The following PCDHGA1 variants were observed in gnomAD, a reference collection of about 807,000 sequenced individuals.
PCDHGA1 encodes protocadherin gamma-A1.
PCDHGA1 carries 32 observed loss-of-function variants against 58.0 expected under a neutral mutation model. That is an observed-to-expected ratio of 0.55 (90% CI 0.42 to 0.74). The LOEUF is 0.74. Among genes scored for constraint, PCDHGA1 ranks in the 30% least tolerant of loss-of-function variants. The probability of loss-of-function intolerance (pLI) is 0.00; values close to 1 mark genes in which losing one functional copy is unlikely to be tolerated. For missense variants in PCDHGA1, 1,205 were observed against 1,182.3 expected (o/e 1.02, Z -0.28); for synonymous variants, 498 against 501.1 (o/e 0.99, Z 0.08).
chr5:141,360,653 A>T, intron 1 of PCDHGA1: 1 of 1,614,020 alleles, frequency 6.2e-7, no homozygotes, highest in Non-Finnish European at 8.5e-7. Flanking sequence ...TACCACCTTA[A>T]TGACAACGAG....
chr5:141,372,118 T>C (rs937548053), intron 1 of PCDHGA1: 3 of 1,613,628 alleles, frequency 1.9e-6, no homozygotes, highest in Non-Finnish European at 2.5e-6. Context: ...TCTGCGCTCT[T>C]CGATATGGTG....
At chr5:141,373,509 C>G (rs1444734450) in intron 1 of PCDHGA1, among the ~76,000 whole-genome samples, 1 of 152,152 alleles carries the variant, frequency 6.6e-6, no homozygotes, top group East Asian at 1.9e-4. Flanking sequence ...GGAGACAGAG[C>G]GAGACTTTGT....
At chr5:141,368,352 CAT>C (rs965270733) in intron 1 of PCDHGA1, among the ~76,000 whole-genome samples, 1 of 152,006 alleles carries the variant, frequency 6.6e-6, no homozygotes, top group East Asian at 1.9e-4. Context: ...TATACACACA[CAT>C]ATATATACAC....
chr5:141,478,073 G>A (rs756198123), intron 1 of PCDHGA1: 1 of 1,614,098 alleles, frequency 6.2e-7, no homozygotes, highest in Admixed American at 1.7e-5. Context: ...AGACAATGGG[G>A]AGCCTTCGCT....
intron 1 of PCDHGA1, chr5:141,404,823 G>A (rs1283913930): frequency 6.2e-7 from 1 of 1,610,946 alleles, no homozygotes. Flanking sequence ...CTGCACACAG[G>A]TGAAGTGCGC....
At chr5:141,376,299 A>T (rs1314928354) in intron 1 of PCDHGA1, 2 of 1,614,164 alleles carry the variant, frequency 1.2e-6, no homozygotes, top group Non-Finnish European at 1.7e-6. Flanking sequence ...CCCGGCTCGC[A>T]CTTTGTGGGC....
rs545544226 is a variant in PCDHGA1, at chr5:141,376,066, C to T, written c.2421+42961C>T. 2.3e-5 allele frequency: 37 copies of T among 1,613,396 alleles called. 2 individuals are homozygous for T. The South Asian group carries it at 3.6e-4, about 16-fold the overall frequency. ...CTCTCTCCGCCACTGTCACGCTCACCGTGGCCGTGGCCGACAGGATCCCCG... is the reference window on the plus strand; with the variant it reads ...CTCTCTCCGCCACTGTCACGCTCACTGTGGCCGTGGCCGACAGGATCCCCG... On this transcript the variant is annotated intron_variant, in intron 1 of 3. Transcript: ENST00000517417.
At chr5:141,440,779 GC>G (rs2154559027) in intron 1 of PCDHGA1, 1 of 152,294 alleles carries the variant, frequency 6.6e-6, no homozygotes, top group Admixed American at 6.5e-5. Flanking sequence ...AGTGCTAGCA[GC>G]CTTAGACGGC....
rs922668811 is a variant in PCDHGA1 at position 141,432,984 on chromosome 5, G to A, written c.2422-61823G>A. On this transcript the variant is annotated intron_variant, in intron 1 of 3. Transcript: ENST00000517417. This position sits in a 1 kb window ranked among gnomAD's most constrained non-coding sequence, Gnocchi z 6.0. ...GGAGCGCCGGCGTCGCACTTTGTGG[G>A]CGTGGACGGGGTGCAGGCTTTCCTG... 1.9e-6 allele frequency: 3 copies of A among 1,614,214 alleles called. No individual in the cohort carries two copies. Among genetic ancestry groups the A allele is most frequent in the Admixed American group, 1.7e-5 (1 of 60,028 alleles).
At chr5:141,388,686 G>A (rs1196254559) in intron 1 of PCDHGA1, 5 of 1,613,980 alleles carry the variant, frequency 3.1e-6, no homozygotes, top group Non-Finnish European at 4.2e-6. Context: ...GACTGCCACG[G>A]ACCAGGATGA....
chr5:141,433,437 T>C (rs1422634356), intron 1 of PCDHGA1, among the ~76,000 whole-genome samples: 2 of 152,076 alleles, frequency 1.3e-5, no homozygotes, highest in Admixed American at 1.3e-4. Flanking sequence ...AGTCTCACTA[T>C]GTTGAGCAGG....
chr5:141,351,339 C>T (rs1309136506), intron 1 of PCDHGA1: 1 of 1,613,532 alleles, frequency 6.2e-7, no homozygotes, highest in Non-Finnish European at 8.5e-7. Flanking sequence ...GACCTTGGAA[C>T]TGTAATAGCC....
intron 1 of PCDHGA1, among the ~76,000 whole-genome samples, chr5:141,488,510 G>A (rs910546464): frequency 1.3e-5 from 2 of 152,152 alleles, no homozygotes; most frequent in Non-Finnish European, 2.9e-5. Context: ...TCCACATTTG[G>A]GGTCTGGGGT....
intron 1 of PCDHGA1, among the ~76,000 whole-genome samples, chr5:141,449,586 C>T (rs2098645911): frequency 1.6e-5 from 2 of 125,482 alleles, no homozygotes; most frequent in East Asian, 2.3e-4. Context: ...AAGACTCTGT[C>T]TCAAAAAAAA....
At chr5:141,393,820 C>T (rs2092851099) in intron 1 of PCDHGA1, 1 of 1,613,918 alleles carries the variant, frequency 6.2e-7, no homozygotes, top group Non-Finnish European at 8.5e-7. Context: ...TTGCTCATTT[C>T]GGTGGAAGAT....
At chr5:141,371,101 A>T (rs766194298) in intron 1 of PCDHGA1, 2 of 1,613,794 alleles carry the variant, frequency 1.2e-6, no homozygotes, top group South Asian at 1.1e-5. Context: ...GCAGATGCAA[A>T]TGATAACCCC....
Position 141,366,291 on chromosome 5 carries a change from T to C in PCDHGA1, c.2421+33186T>C, listed in dbSNP as rs768290200. 15 of 1,613,746 alleles carry C rather than the reference T, an allele frequency of 9.3e-6. No individual in the cohort carries two copies. The South Asian group carries it at 1.5e-4, about 17-fold the overall frequency. ...GTCGAAGACCATGGCCAGCCCCCTC[T>C]GTCAGCCACCTTCACGGTCACCGTT... On this transcript the variant is annotated intron_variant, in intron 1 of 3. Transcript: ENST00000517417.
intron 1 of PCDHGA1, chr5:141,388,934 A>G (rs1225337103): frequency 1.9e-6 from 3 of 1,613,896 alleles, no homozygotes; most frequent in Non-Finnish European, 2.5e-6. Context: ...TCCAGTCTCT[A>G]CCCAACCTAA....
chr5:141,392,916 G>A, intron 1 of PCDHGA1: 1 of 1,613,936 alleles, frequency 6.2e-7, no homozygotes, highest in Non-Finnish European at 8.5e-7. Context: ...TCGCTACTCT[G>A]TGCCAGAAGA....
Sources: allele counts gnomAD v4.1 joint callset (sites outside exome capture counted in the v4.1 genomes callset), GRCh38; gene constraint gnomAD v4.1.1; non-coding constraint Gnocchi (gnomAD v3.1); transcripts MANE v1.5; gene names NCBI Gene and HGNC (gene_info 2026-07-23, HGNC 2026-07-21).